VRK1: variants seen among roughly 807,000 people sequenced by gnomAD.
The protein encoded by VRK1 is serine/threonine-protein kinase VRK1.
VRK1 carries 33 observed loss-of-function variants against 57.1 expected under a neutral mutation model. The observed-to-expected ratio is 0.58, with a 90% CI of 0.44 to 0.77. The LOEUF is 0.77. Among genes scored for constraint, VRK1 ranks in the 30% least tolerant of loss-of-function variants. VRK1 has a pLI of 0.00. For synonymous variants in VRK1, 137 were observed against 147.8 expected (o/e 0.93, Z 0.53); for missense variants, 413 against 477.3 (o/e 0.87, Z 1.25).
chr14:96,877,089 A>G (rs995681846), intron 12 of VRK1, among the ~76,000 whole-genome samples: 3 of 135,128 alleles, frequency 2.2e-5, no homozygotes, highest in Non-Finnish European at 4.8e-5. Context: ...TTGAATTATT[A>G]TTTTGTTTGT....
rs553438029 is a variant in VRK1, at chr14:96,879,758, A to G, written c.1160-1419A>G. 1.8e-3 allele frequency among the ~76,000 whole-genome samples: 268 copies of G among 151,918 alleles called. 2 individuals carry two copies. Among genetic ancestry groups the G allele is most frequent in the Middle Eastern group, 6.8e-3 (2 of 294 alleles). Reference sequence around the variant, plus strand: ...AGCCTGACCAACATGGTGAAAGTCTAAGTCCTACTAAAATACAAAAATTAC... The same window carrying G: ...AGCCTGACCAACATGGTGAAAGTCTGAGTCCTACTAAAATACAAAAATTAC... On this transcript the variant is annotated intron_variant, in intron 12 of 12. Coordinates refer to ENST00000216639, the MANE Select transcript of VRK1 (RefSeq NM_003384.3).
At chr14:96,857,400 G>T (rs1888207104) in intron 10 of VRK1, among the ~76,000 whole-genome samples, 1 of 152,116 alleles carries the variant, frequency 6.6e-6, no homozygotes, top group South Asian at 2.1e-4. Context: ...CTGTGTAGAA[G>T]TCTGGGGAAG....
intron 12 of VRK1, among the ~76,000 whole-genome samples, chr14:96,877,886 A>C (rs1889107663): frequency 6.6e-6 from 1 of 152,190 alleles, no homozygotes; most frequent in Non-Finnish European, 1.5e-5. Flanking sequence ...TTTTTAGTTT[A>C]AGGTCTTCTA....
intron 1 of VRK1, among the ~76,000 whole-genome samples, chr14:96,811,708 C>T (rs945145356): frequency 5.3e-5 from 8 of 152,010 alleles, no homozygotes; most frequent in African/African-American, 1.5e-4. Flanking sequence ...TTCCACAGAA[C>T]GCTATAATCC....
rs2139802146 is a variant in VRK1 at position 96,855,340 on chromosome 14, T to C, written c.693T>C (p.Asp231=). ...GCACTATTGAATTCACGAGCATCGA[T>C]GCACACAATGGCGTGGGTATGTCAG... ...HDGTIEFTSI[D]AHNGVAPSRR... The change falls in exon 8 of 13, where the codon GAT becomes GAC. Residue 231 remains aspartate, a synonymous_variant. Transcript: ENST00000216639. 6.2e-7 allele frequency: 1 copy of C among 1,614,080 alleles called. No homozygotes were observed. Among genetic ancestry groups the C allele is most frequent in the Non-Finnish European group, 8.5e-7 (1 of 1,179,934 alleles).
chr14:96,857,343 A>G (rs1018418108), intron 10 of VRK1, among the ~76,000 whole-genome samples: 4 of 152,066 alleles, frequency 2.6e-5, no homozygotes, highest in African/African-American at 7.2e-5. Flanking sequence ...CTCACTTGGA[A>G]GGTGACATTT....
intron 1 of VRK1, among the ~76,000 whole-genome samples, chr14:96,818,934 A>G (rs1886492825): frequency 6.6e-6 from 1 of 152,144 alleles, no homozygotes. Context: ...TCTGTATTTT[A>G]TTTTTCAAAT....
chr14:96,798,402 C>A (rs1161096703), intron 1 of VRK1, among the ~76,000 whole-genome samples: 1 of 152,144 alleles, frequency 6.6e-6, no homozygotes, highest in East Asian at 1.9e-4. Context: ...TTTCTGATGT[C>A]CTTTCTTTCA....
At chr14:96,863,133 G>A (rs1223584026) in intron 11 of VRK1, among the ~76,000 whole-genome samples, 1 of 152,188 alleles carries the variant, frequency 6.6e-6, no homozygotes, top group African/African-American at 2.4e-5. Context: ...TAATCAAGGA[G>A]CTTTATTTAA....
chr14:96,857,576 A>G (rs772046303), intron 10 of VRK1, among the ~76,000 whole-genome samples: 17 of 152,176 alleles, frequency 1.1e-4, no homozygotes, highest in Non-Finnish European at 1.9e-4. Context: ...TGCTTCTGGC[A>G]TGGGGATGGA....
chr14:96,842,836 A>G (rs1476023744), intron 3 of VRK1, among the ~76,000 whole-genome samples: 1 of 152,212 alleles, frequency 6.6e-6, no homozygotes, highest in African/African-American at 2.4e-5. Context: ...ATTATTTTAA[A>G]TGGAATCTTG....
rs1003151230 is a variant in VRK1 at position 96,847,353 on chromosome 14, A to G, written c.374+9A>G. On this transcript the variant is annotated intron_variant, in intron 5 of 12. Transcript: ENST00000216639. ...GACAAAAATGGAAAAAGGTAAAAATATGTGTGATTTGTCTTTCTCCTTCCC... is the reference window on the plus strand; with the variant it reads ...GACAAAAATGGAAAAAGGTAAAAATGTGTGTGATTTGTCTTTCTCCTTCCC... 1 of 1,607,754 alleles carries G rather than the reference A, an allele frequency of 6.2e-7. No individual in the cohort carries two copies. Among genetic ancestry groups the G allele is most frequent in the African/African-American group, 1.3e-5 (1 of 74,788 alleles).
intron 7 of VRK1, among the ~76,000 whole-genome samples, chr14:96,853,824 C>G (rs1401696360): frequency 2.6e-5 from 4 of 152,052 alleles, no homozygotes; most frequent in Non-Finnish European, 5.9e-5. Context: ...AGTTGACATT[C>G]ATACTTAATG....
intron 5 of VRK1, among the ~76,000 whole-genome samples, chr14:96,852,416 A>G (rs1887987058): frequency 1.3e-5 from 2 of 152,224 alleles, no homozygotes; most frequent in African/African-American, 4.8e-5. Context: ...GTTACTGCTG[A>G]AATATACCTT....
chr14:96,847,209 C>A (rs1566704514), intron 4 of VRK1, 48 bp from the exon 5 acceptor site: 2 of 1,499,290 alleles, frequency 1.3e-6, no homozygotes, highest in Middle Eastern at 1.7e-4. Flanking sequence ...AAAAAATTAT[C>A]ATTTATGTAT....
chr14:96,832,121 TA>T (rs11335837), intron 1 of VRK1, among the ~76,000 whole-genome samples: 150,878 of 152,228 alleles, frequency 0.99, 74,788 homozygotes, highest in East Asian at 1. Context: ...AAATTCAATT[TA>T]AAAAGTCCCC....
chr14:96,833,567 G>T lies in VRK1; in HGVS notation c.96G>T (p.Met32Ile), dbSNP rs1887097449. 6.2e-7 allele frequency: 1 copy of T among 1,613,606 alleles called. No individual in the cohort carries two copies. The highest frequency in any genetic ancestry group is 1.3e-5 in the African/African-American group (1 of 74,878). Residue 32 changes from methionine (M) to isoleucine (I), a missense_variant, in exon 2 of 13, where the codon ATG (methionine) becomes ATT (isoleucine). Physicochemically the swap from Met to Ile is conservative, Grantham distance 10. Around this residue, in one of 3 missense-constraint regions of VRK1, gnomAD observed 116 missense variants for 113.6 expected, o/e 1.02. Coordinates refer to ENST00000216639, the MANE Select transcript of VRK1 (RefSeq NM_003384.3). ...CAGTTGGAGAGATAATAACTGACAT[G>T]GCAAAAAAGGAATGGAAAGTAGGAT... is the stretch of plus-strand genomic sequence containing the variant. ...QFAVGEIITDMAKKEWKVGLP... is the reference protein window; with the variant it reads ...QFAVGEIITDIAKKEWKVGLP...
At chr14:96,878,196 A>G (rs1889117246) in intron 12 of VRK1, among the ~76,000 whole-genome samples, 1 of 152,338 alleles carries the variant, frequency 6.6e-6, no homozygotes. Context: ...TGATGGTAAA[A>G]TATTATTGCT....
intron 10 of VRK1, among the ~76,000 whole-genome samples, chr14:96,858,583 G>T (rs965403688): frequency 6.6e-6 from 1 of 152,168 alleles, no homozygotes; most frequent in Non-Finnish European, 1.5e-5. Context: ...TTGAGGAGGG[G>T]TCATGTATCT....
Sources: allele counts gnomAD v4.1 joint callset (sites outside exome capture counted in the v4.1 genomes callset), GRCh38; gene constraint gnomAD v4.1.1; regional missense constraint gnomAD v4.1.1; transcripts MANE v1.5; gene names NCBI Gene and HGNC (gene_info 2026-07-23, HGNC 2026-07-21).